CHCHD3: variants seen among roughly 807,000 people sequenced by gnomAD.
CHCHD3 encodes coiled-coil-helix-coiled-coil-helix domain containing 3.
A neutral mutation model predicts 38.2 loss-of-function variants in CHCHD3; 20 were observed. The observed-to-expected ratio is 0.52, with a 90% CI of 0.37 to 0.76. The LOEUF (loss-of-function observed/expected upper bound fraction) is 0.76. CHCHD3 is among the 30% of genes least tolerant of loss of function. The probability of loss-of-function intolerance (pLI) is 0.00; values close to 1 mark genes in which losing one functional copy is unlikely to be tolerated. For missense variants in CHCHD3, 245 were observed against 279.2 expected (o/e 0.88, Z 0.87); for synonymous variants, 82 against 100.0 (o/e 0.82, Z 1.07).
intron 1 of CHCHD3, among the ~76,000 whole-genome samples, chr7:133,080,899 G>GA (rs1168919570): frequency 6.7e-6 from 1 of 148,326 alleles, no homozygotes; most frequent in African/African-American, 2.6e-5. Flanking sequence ...GTTGATAACA[G>GA]AAAAAAATAT....
intron 3 of CHCHD3, among the ~76,000 whole-genome samples, chr7:133,004,172 G>A (rs1812642132): frequency 6.6e-6 from 1 of 152,182 alleles, no homozygotes; most frequent in African/African-American, 2.4e-5. Context: ...ATATTGGCCA[G>A]GTTGGTCTTT....
chr7:132,834,945 CTCAT>C (rs1264841107), intron 6 of CHCHD3, among the ~76,000 whole-genome samples: 7 of 147,872 alleles, frequency 4.7e-5, no homozygotes, highest in South Asian at 2.2e-4. Context: ...TTTTTTTCCT[CTCAT>C]TTATTTATTT....
intron 3 of CHCHD3, among the ~76,000 whole-genome samples, chr7:133,010,842 G>C (rs1812849913): frequency 6.6e-6 from 1 of 152,134 alleles, no homozygotes; most frequent in Non-Finnish European, 1.5e-5. Context: ...GCCTCCCAAA[G>C]TGCTGGGATT....
chr7:133,027,540 C>T (rs1221029893), intron 2 of CHCHD3, among the ~76,000 whole-genome samples: 2 of 152,020 alleles, frequency 1.3e-5, no homozygotes, highest in African/African-American at 4.8e-5. Context: ...CTAATCCCAC[C>T]ATGGCCATCA....
intron 2 of CHCHD3, among the ~76,000 whole-genome samples, chr7:133,041,124 T>C (rs1813826046): frequency 6.6e-6 from 1 of 152,180 alleles, no homozygotes; most frequent in Non-Finnish European, 1.5e-5. Context: ...TGTTTATGTA[T>C]ATTGTTGGCC....
At chr7:132,899,160 G>C (rs540473938) in intron 4 of CHCHD3, among the ~76,000 whole-genome samples, 27 of 152,338 alleles carry the variant, frequency 1.8e-4, no homozygotes, top group African/African-American at 6.5e-4. Context: ...CCAGCACGCT[G>C]TCACCTCTCA....
At chr7:132,944,734 T>C (rs1810855835) in intron 4 of CHCHD3, among the ~76,000 whole-genome samples, 1 of 152,030 alleles carries the variant, frequency 6.6e-6, no homozygotes. Context: ...ACAGCAAGTA[T>C]TAACACTAGT....
chr7:132,861,457 T>C (rs1323893809), intron 5 of CHCHD3, among the ~76,000 whole-genome samples: 1 of 152,230 alleles, frequency 6.6e-6, no homozygotes, highest in Non-Finnish European at 1.5e-5. Context: ...GACTCTGAGC[T>C]CTGTGATGGT....
intron 6 of CHCHD3, among the ~76,000 whole-genome samples, chr7:132,817,964 A>G (rs1807246134): frequency 6.6e-6 from 1 of 152,174 alleles, no homozygotes; most frequent in South Asian, 2.1e-4. Context: ...ATATGTGCTA[A>G]CCCAAGCAAA....
chr7:132,980,988 T>C (rs1050811167), intron 3 of CHCHD3, among the ~76,000 whole-genome samples: 2 of 152,174 alleles, frequency 1.3e-5, no homozygotes, highest in African/African-American at 4.8e-5. Flanking sequence ...CTAGTTTTTT[T>C]GTTTTTTGTT....
At chr7:132,845,141 TG>T (rs1808044037) in intron 5 of CHCHD3, 1 of 152,222 alleles carries the variant, frequency 6.6e-6, no homozygotes, top group African/African-American at 2.4e-5. Flanking sequence ...CTTGTGAAAC[TG>T]AGTAAGTTAC....
chr7:132,933,617 A>T (rs1810567709), intron 4 of CHCHD3, among the ~76,000 whole-genome samples: 1 of 152,240 alleles, frequency 6.6e-6, no homozygotes, highest in Non-Finnish European at 1.5e-5. Flanking sequence ...AGTCTGACTT[A>T]GCCCAAACTT....
chr7:133,081,993 C>G lies in CHCHD3; in HGVS notation c.-56G>C, dbSNP rs1431215058. Reference sequence around the variant, plus strand: ...GCGGGGAACCACGAGCACTTCGGGGCCCCCGCACCCACACGCGCGTGGAAG... The same window carrying G: ...GCGGGGAACCACGAGCACTTCGGGGGCCCCGCACCCACACGCGCGTGGAAG... On this transcript the variant is annotated 5_prime_UTR_variant, in exon 1 of 8. Transcript: ENST00000262570. 1 of 1,425,522 alleles carries G rather than the reference C, an allele frequency of 7.0e-7. No individual in the cohort carries two copies. Among genetic ancestry groups the G allele is most frequent in the Non-Finnish European group, 9.4e-7 (1 of 1,063,910 alleles). The allele number at this position is 1,425,522 out of a possible 1,614,324, so 88.3% of individuals were successfully genotyped here. A position where few individuals can be genotyped will look rare whatever the true frequency, so the allele number is the denominator to read the frequency against.
At chr7:132,850,824 A>G (rs1808203799) in intron 5 of CHCHD3, among the ~76,000 whole-genome samples, 1 of 152,210 alleles carries the variant, frequency 6.6e-6, no homozygotes, top group Non-Finnish European at 1.5e-5. Flanking sequence ...GTGCCACTGG[A>G]TCACTATGTG....
At chr7:132,830,081 G>A (rs778061171) in intron 6 of CHCHD3, among the ~76,000 whole-genome samples, 51 of 152,062 alleles carry the variant, frequency 3.4e-4, no homozygotes, top group Non-Finnish European at 6.9e-4. Context: ...TCTCACCCAA[G>A]GAACTAAAAA....
At position 132,838,469 on chromosome 7, in the gene CHCHD3, T is replaced by C; in HGVS notation, c.454A>G (p.Ser152Gly). 3 of 1,608,034 alleles carry C rather than the reference T, an allele frequency of 1.9e-6. No homozygotes were observed. Among genetic ancestry groups the C allele is most frequent in the Non-Finnish European group, 2.6e-6 (3 of 1,175,954 alleles). ...KEQLARLEER[S>G]SEFYRVTTEQ... is the part of the protein sequence containing the mutation. ...GTGGTGACTCTGTAGAACTCTGAGCTCTGTGGACAAAGATTGATAGCAAAG... is the reference window on the plus strand; with the variant it reads ...GTGGTGACTCTGTAGAACTCTGAGCCCTGTGGACAAAGATTGATAGCAAAG... The change falls in exon 6 of 8, where the codon AGC becomes GGC. Residue 152 changes from serine (S) to glycine (G), a missense_variant and splice_region_variant. By Grantham distance (56) the Ser-to-Gly change is moderately conservative. Transcript: ENST00000262570.
intron 3 of CHCHD3, among the ~76,000 whole-genome samples, chr7:132,979,083 G>A (rs1409355634): frequency 6.6e-6 from 1 of 152,066 alleles, no homozygotes; most frequent in African/African-American, 2.4e-5. Flanking sequence ...AGTTTCCTCA[G>A]TTTTAAAATT....
At chr7:133,033,130 G>C (rs561908682) in intron 2 of CHCHD3, among the ~76,000 whole-genome samples, 1 of 152,142 alleles carries the variant, frequency 6.6e-6, no homozygotes, top group African/African-American at 2.4e-5. Context: ...TAATAAAACA[G>C]TCTGAATCTT....
At chr7:132,975,556 A>C (rs996836630) in intron 3 of CHCHD3, among the ~76,000 whole-genome samples, 9 of 152,200 alleles carry the variant, frequency 5.9e-5, no homozygotes, top group African/African-American at 2.2e-4. Context: ...AGTTCTTCTT[A>C]TGTAAAATTA....
Sources: gnomAD v4.1 joint callset for allele counts (sites outside exome capture counted in the v4.1 genomes callset) on GRCh38, gnomAD v4.1.1 for gene constraint, MANE v1.5 for transcripts, NCBI Gene and HGNC (gene_info 2026-07-23, HGNC 2026-07-21) for gene names.